HDAC5: variants seen among roughly 807,000 people sequenced by gnomAD.
The protein encoded by HDAC5 is histone deacetylase 5.
A neutral mutation model predicts 133.3 loss-of-function variants in HDAC5; 25 were observed. The observed-to-expected ratio is 0.19, with a 90% CI of 0.14 to 0.26. HDAC5 has a LOEUF of 0.26. HDAC5 is among the 10% of genes least tolerant of loss of function. The probability of loss-of-function intolerance (pLI) is 1.00; values close to 1 mark genes in which losing one functional copy is unlikely to be tolerated. For missense variants in HDAC5, 1,041 were observed against 1,460.5 expected, an observed-to-expected ratio of 0.71 and a Z score of 4.68; for synonymous variants, 589 against 610.8, an observed-to-expected ratio of 0.96 and a Z score of 0.53.
chr17:44,086,588 C>A lies in HDAC5; in HGVS notation c.2034G>T (p.Lys678Asn), dbSNP rs1388699215. Reference sequence around the variant, plus strand: ...GGGGCTCACCTGTGGTGAAGAGGTGCTTGACGGGCTGGTCTGGGGGGCTCT... The same window carrying A: ...GGGGCTCACCTGTGGTGAAGAGGTGATTGACGGGCTGGTCTGGGGGGCTCT... ...GMKSPPDQPV[K>N]HLFTTGVVYD... The change falls in exon 14 of 27, where the codon AAG (lysine) becomes AAT (asparagine). Residue 678 changes from lysine (K) to asparagine (N), a missense_variant. Lys to Asn is a moderately conservative substitution (Grantham distance 94). Around this residue, in one of 9 missense-constraint regions of HDAC5, gnomAD observed 433 missense variants for 531.6 expected, o/e 0.81. Coordinates refer to ENST00000682912, the MANE Select transcript of HDAC5 (RefSeq NM_005474.5). 3 of 1,304,164 alleles carry A rather than the reference C, an allele frequency of 2.3e-6. No homozygotes were observed. Among genetic ancestry groups the A allele is most frequent in the Admixed American group, 6.4e-5 (2 of 31,440 alleles). 80.8% of individuals were successfully genotyped at this position (1,304,164 alleles called of 1,614,324 possible).
At position 44,093,160 on chromosome 17, in the gene HDAC5, G is replaced by A; in HGVS notation, c.573C>T (p.Leu191=). The change falls in exon 6 of 27, where the codon CTC becomes CTT. Residue 191 remains leucine (L), a synonymous_variant. Transcript: ENST00000682912. ...GTGTGGGCTCCTTTGACTTCGACAA[G>A]AGGAATTCCTGGAGCCTCAGCTTTA... ...TEVKLRLQEF[L]LSKSKEPTPG... is the part of the protein sequence containing the mutation. The A allele has an allele frequency of 6.2e-7, 1 of 1,613,906 alleles. No individual in the cohort carries two copies. The highest frequency in any genetic ancestry group is 1.1e-5 in the South Asian group (1 of 91,042).
intron 11 of HDAC5, among the ~76,000 whole-genome samples, chr17:44,089,747 C>CAAAAAA (rs869263828): frequency 5.9e-5 from 2 of 34,056 alleles, no homozygotes; most frequent in African/African-American, 3.4e-4. Context: ...AACTTCGTCT[C>CAAAAAA]AAAAAAAAAA....
At chr17:44,112,862 AG>A (rs1387245981) in intron 2 of HDAC5, among the ~76,000 whole-genome samples, 3 of 152,226 alleles carry the variant, frequency 2.0e-5, no homozygotes, top group African/African-American at 7.2e-5. Flanking sequence ...GGCAGATTCT[AG>A]AAAAAGGGCA....
intron 2 of HDAC5, among the ~76,000 whole-genome samples, chr17:44,116,841 C>G (rs1038205414): frequency 6.6e-6 from 1 of 152,038 alleles, no homozygotes; most frequent in Non-Finnish European, 1.5e-5. Flanking sequence ...GGACAGGGTC[C>G]TAGGAACAAA....
chr17:44,092,930 G>C (rs1173268183), intron 6 of HDAC5, 124 bp from the exon 7 acceptor site: 11 of 655,674 alleles, frequency 1.7e-5, no homozygotes, highest in Non-Finnish European at 2.6e-5. Flanking sequence ...CGTGGATCTT[G>C]GGGAAGGAAT....
chr17:44,081,580 CTTT>C lies in HDAC5; in HGVS notation c.2608-701_2608-699del, dbSNP rs36005901. The stretch of plus-strand genomic sequence containing the variant: ...TTTTGTTTTCCTTTTTCTTTTCTTT[CTTT>C]TTTTTTTTTTTTTGAGACAGAATCT... On this transcript the variant is annotated intron_variant, in intron 20 of 26. Coordinates refer to ENST00000682912, the MANE Select transcript of HDAC5 (RefSeq NM_005474.5). The C allele has an allele frequency of 4.3e-3, 542 of 127,106 alleles. 5 individuals carry two copies. The highest frequency in any genetic ancestry group is 0.015 in the African/African-American group (508 of 34,710). 7.9% of individuals were successfully genotyped at this position (127,106 alleles called of 1,614,324 possible).
intron 3 of HDAC5, among the ~76,000 whole-genome samples, chr17:44,104,974 CCT>C (rs1311859810): frequency 2.0e-5 from 3 of 152,148 alleles, no homozygotes; most frequent in Admixed American, 6.5e-5. Context: ...CTCAATTCCC[CCT>C]GTTTTCAGAG....
chr17:44,091,585 G>A, intron 10 of HDAC5, 93 bp from the exon 11 acceptor site: 1 of 1,487,294 alleles, frequency 6.7e-7, no homozygotes, highest in African/African-American at 1.4e-5. Context: ...CCAAGCTCTG[G>A]GTAGGGCCAA....
intron 2 of HDAC5, among the ~76,000 whole-genome samples, chr17:44,112,400 A>G (rs1232466030): frequency 6.6e-6 from 1 of 151,888 alleles, no homozygotes; most frequent in Non-Finnish European, 1.5e-5. Context: ...CCACTGGTAC[A>G]AAGATCCCAC....
rs745635086 is a variant in HDAC5 at position 44,093,606 on chromosome 17, T to C, written c.323A>G (p.Gln108Arg). Residue 108 changes from glutamine to arginine, a missense_variant, in exon 4 of 27, where the codon CAG (glutamine) becomes CGG (arginine). Gln to Arg is a conservative substitution (Grantham distance 43). Coordinates refer to ENST00000682912, the MANE Select transcript of HDAC5 (RefSeq NM_005474.5). ...GTGCTTCTGCAGCTGGACCTCATGC[T>C]GCCTTGTCAGGTGGTCATGCTGTTT... is the stretch of plus-strand genomic sequence containing the variant. The part of the protein sequence containing the change: ...FQKQHDHLTR[Q>R]HEVQLQKHLK... The C allele has an allele frequency of 6.2e-7, 1 of 1,611,356 alleles. No homozygotes were observed. Among genetic ancestry groups the C allele is most frequent in the South Asian group, 1.1e-5 (1 of 90,894 alleles).
At chr17:44,092,988 AG>A (rs1186630461) in intron 6 of HDAC5, 103 bp downstream of exon 6, 5 of 777,810 alleles carry the variant, frequency 6.4e-6, no homozygotes, top group Non-Finnish European at 1.0e-5. Context: ...GAGAGATTGC[AG>A]GGCCCGTATA....
rs1042901711 is a variant in HDAC5, at chr17:44,091,874, G to A, written c.1033-43C>T. On this transcript the variant is annotated intron_variant, in intron 9 of 26. Coordinates refer to ENST00000682912, the MANE Select transcript of HDAC5 (RefSeq NM_005474.5). ...GAGACAGGCATGAGAGTGCACAAAGGGGAGGCAACAAGGGAGGGCAACCTG... is the reference window on the plus strand; with the variant it reads ...GAGACAGGCATGAGAGTGCACAAAGAGGAGGCAACAAGGGAGGGCAACCTG... 6 of 1,515,234 alleles carry A rather than the reference G, an allele frequency of 4.0e-6. No individual in the cohort carries two copies. In the African/African-American group the frequency reaches 8.4e-5, roughly 21 times the overall value. 93.9% of individuals were successfully genotyped at this position (1,515,234 alleles called of 1,614,324 possible).
chr17:44,084,077 A>T (rs1195118946), intron 16 of HDAC5, among the ~76,000 whole-genome samples: 1 of 151,710 alleles, frequency 6.6e-6, no homozygotes, highest in Non-Finnish European at 1.5e-5. Context: ...GTGAGCTGAG[A>T]TCGCACCACT....
rs1233219591 is a variant in HDAC5 at position 44,092,503 on chromosome 17, C to T, written c.797G>A (p.Arg266His). 1 of 1,613,738 alleles carries T rather than the reference C, an allele frequency of 6.2e-7. No individual in the cohort carries two copies. The highest frequency in any genetic ancestry group is 1.7e-5 in the Admixed American group (1 of 59,994). The change falls in exon 8 of 27, where the codon CGT becomes CAT. Residue 266 changes from arginine (R) to histidine (H), a missense_variant. This residue lies in a region of HDAC5 where 8 missense variants were observed against 31.9 expected (regional missense o/e 0.25). Transcript: ENST00000682912. ...KTASEPNLKV[R>H]SRLKQKVAER... ...AGCCACCTTCTGTTTTAGCCTTGAA[C>T]GCACTTTCAAGTTGGGTTCAGAGGC...
At chr17:44,085,307 T>A in intron 14 of HDAC5, 152 bp from the exon 15 acceptor site, 1 of 569,978 alleles carries the variant, frequency 1.8e-6, no homozygotes, top group Non-Finnish European at 2.8e-6. Flanking sequence ...GCCACAAACC[T>A]GCCCCCTCTC....
In HDAC5 at chr17:44,091,255, T is replaced by G; in HGVS notation, c.1387+15A>C. 1 of 1,599,200 alleles carries G rather than the reference T, an allele frequency of 6.3e-7. No individual in the cohort carries two copies. The highest frequency in any genetic ancestry group is 8.5e-7 in the Non-Finnish European group (1 of 1,171,786). On this transcript the variant is annotated intron_variant, in intron 11 of 26. Transcript: ENST00000682912. ...ACCTTAGCCCCCTCCCTTGCACAGC[T>G]ACCTGTCCACTCACCAGCAATGAGG...
chr17:44,100,269 A>G (rs1406498872), intron 3 of HDAC5, among the ~76,000 whole-genome samples: 6 of 152,176 alleles, frequency 3.9e-5, no homozygotes, highest in Middle Eastern at 3.4e-3. Flanking sequence ...TCTCAGAGAC[A>G]ACATCTCCAA....
chr17:44,121,432 C>T (rs1279211653), intron 1 of HDAC5, among the ~76,000 whole-genome samples: 2 of 136,906 alleles, frequency 1.5e-5, no homozygotes, highest in Admixed American at 1.5e-4. Flanking sequence ...GCTGTCTCCC[C>T]CTTCCCCCCC....
chr17:44,087,570 A>T lies in HDAC5; in HGVS notation c.1726T>A (p.Ser576Thr). 6.2e-7 allele frequency: 1 copy of T among 1,613,784 alleles called. No homozygotes were observed. Among genetic ancestry groups the T allele is most frequent in the Non-Finnish European group, 8.5e-7 (1 of 1,179,920 alleles). ...TCCTGTGTGCTCTCACTCTCTGTGG[A>T]GCCCTCCCGGGGCATGGTCAGGGCT... ...EGALTMPREG[S>T]TESESTQEDL... Residue 576 changes from serine to threonine, a missense_variant, in exon 13 of 27, where the codon TCC (serine) becomes ACC (threonine). Coordinates refer to ENST00000682912, the MANE Select transcript of HDAC5 (RefSeq NM_005474.5).
Sources: allele counts gnomAD v4.1 joint callset (sites outside exome capture counted in the v4.1 genomes callset), GRCh38; gene constraint gnomAD v4.1.1; regional missense constraint gnomAD v4.1.1; transcripts MANE v1.5; gene names NCBI Gene and HGNC (gene_info 2026-07-23, HGNC 2026-07-21).